The following CAMK1D variants were observed in gnomAD, a reference collection of about 807,000 sequenced individuals.
The protein encoded by CAMK1D is calcium/calmodulin-dependent protein kinase type 1D.
In CAMK1D, 9 loss-of-function variants were observed where a neutral mutation model predicts 47.7. The ratio of observed to expected loss-of-function variants is 0.19; its 90% CI spans 0.11 to 0.33. The LOEUF (loss-of-function observed/expected upper bound fraction) is 0.33, where lower values mean the gene tolerates loss of function less well. CAMK1D is among the 10% of genes least tolerant of loss of function. The probability of loss-of-function intolerance (pLI) is 1.00; values close to 1 mark genes in which losing one functional copy is unlikely to be tolerated. For synonymous variants in CAMK1D, 184 were observed against 184.9 expected (o/e 0.99, Z 0.04); for missense variants, 291 against 488.7 (o/e 0.60, Z 3.81).
chr10:12,748,566 G>T (rs118097528), intron 3 of CAMK1D, among the ~76,000 whole-genome samples: 1 of 152,288 alleles, frequency 6.6e-6, no homozygotes, highest in East Asian at 1.9e-4. Context: ...GTAAGCTTTG[G>T]GTTTTGGGGT....
chr10:12,492,123 T>G (rs913820514), intron 1 of CAMK1D, among the ~76,000 whole-genome samples: 2 of 101,358 alleles, frequency 2.0e-5, no homozygotes, highest in Non-Finnish European at 5.5e-5. Flanking sequence ...AATTTTTTTG[T>G]TTTTTTCACA....
chr10:12,748,599 A>C (rs1188509301), intron 3 of CAMK1D, among the ~76,000 whole-genome samples: 1 of 152,202 alleles, frequency 6.6e-6, no homozygotes, highest in South Asian at 2.1e-4. Context: ...AGAGTAACTC[A>C]TCTGTTGAGA....
intron 3 of CAMK1D, among the ~76,000 whole-genome samples, chr10:12,674,703 G>A (rs962689807): frequency 1.4e-5 from 2 of 145,228 alleles, no homozygotes; most frequent in African/African-American, 2.5e-5. Flanking sequence ...AAGTCAGTTC[G>A]TTTGGAATTT....
chr10:12,528,097 G>A (rs927997106), intron 1 of CAMK1D, among the ~76,000 whole-genome samples: 3 of 152,190 alleles, frequency 2.0e-5, no homozygotes, highest in African/African-American at 7.2e-5. Context: ...AACCCTATTA[G>A]GTGGGTAGTG....
chr10:12,440,384 A>C (rs1483126441), intron 1 of CAMK1D, among the ~76,000 whole-genome samples: 1 of 151,452 alleles, frequency 6.6e-6, no homozygotes, highest in Non-Finnish European at 1.5e-5. Context: ...TTCCGGAGGC[A>C]GGAGGCAATT....
rs118054291 is a variant in CAMK1D at position 12,784,893 on chromosome 10, G to A, written c.566-6265G>A. On this transcript the variant is annotated intron_variant, in intron 5 of 10. Transcript: ENST00000619168. ...CTGACCAATCAGGACATACGGAGAT[G>A]AGAGCTCTGCCCTGCCCCTCCAGCA... Among the ~76,000 whole-genome samples the A allele has an allele frequency of 4.6e-5, 7 of 152,326 alleles. No homozygotes were observed. The East Asian group carries it at 1.4e-3, about 29-fold the overall frequency.
chr10:12,620,141 C>G (rs984372036), intron 2 of CAMK1D, among the ~76,000 whole-genome samples: 3 of 127,718 alleles, frequency 2.3e-5, no homozygotes, highest in Admixed American at 1.0e-4. Context: ...AAATAAAGCT[C>G]TGCAGTCCGC....
At chr10:12,754,490 C>T (rs938717590) in intron 3 of CAMK1D, among the ~76,000 whole-genome samples, 7 of 152,148 alleles carry the variant, frequency 4.6e-5, no homozygotes, top group African/African-American at 1.2e-4. Context: ...CCCAATAAAC[C>T]TGGGAAAAAT....
chr10:12,490,249 T>A (rs1834341932), intron 1 of CAMK1D, among the ~76,000 whole-genome samples: 1 of 150,758 alleles, frequency 6.6e-6, no homozygotes, highest in Non-Finnish European at 1.5e-5. Context: ...GACATTGTTT[T>A]GAGTGGGATA....
chr10:12,684,065 T>C (rs1196735213), intron 3 of CAMK1D, among the ~76,000 whole-genome samples: 1 of 152,120 alleles, frequency 6.6e-6, no homozygotes, highest in Non-Finnish European at 1.5e-5. Flanking sequence ...GTATTTCTTG[T>C]CTTTGAGAGT....
intron 6 of CAMK1D, 142 bp from the exon 7 acceptor site, chr10:12,814,053 T>C (rs1588959401): frequency 7.0e-6 from 4 of 569,224 alleles, no homozygotes; most frequent in Middle Eastern, 2.7e-4. Context: ...CCTCCCAAAT[T>C]GCTGGGATTA....
At chr10:12,544,001 C>T (rs1304679668) in intron 1 of CAMK1D, among the ~76,000 whole-genome samples, 9 of 152,156 alleles carry the variant, frequency 5.9e-5, no homozygotes, top group Admixed American at 6.5e-5. Context: ...GGGATGGTTT[C>T]CTTTAGTCTT....
chr10:12,500,719 C>T (rs1296431915), intron 1 of CAMK1D, among the ~76,000 whole-genome samples: 1 of 152,208 alleles, frequency 6.6e-6, no homozygotes, highest in African/African-American at 2.4e-5. Flanking sequence ...CCAATTTGTC[C>T]TTGAATCAAC....
chr10:12,538,885 CA>C (rs60713871), intron 1 of CAMK1D, among the ~76,000 whole-genome samples: 28,156 of 89,090 alleles, frequency 0.32, 2,928 homozygotes, highest in South Asian at 0.39. Flanking sequence ...AAAACTGAGG[CA>C]AAAAAAAAAA....
intron 1 of CAMK1D, among the ~76,000 whole-genome samples, chr10:12,353,622 T>C (rs1053570937): frequency 3.3e-5 from 5 of 152,136 alleles, no homozygotes; most frequent in African/African-American, 9.7e-5. Context: ...GACTGGGCTT[T>C]GTGGTCTGGC....
chr10:12,714,130 C>G (rs1324270801), intron 3 of CAMK1D, among the ~76,000 whole-genome samples: 1 of 152,192 alleles, frequency 6.6e-6, no homozygotes, highest in Non-Finnish European at 1.5e-5. Flanking sequence ...CCCAGTGGTC[C>G]TGTGGAGGGG....
At chr10:12,534,173 T>G (rs1012960593) in intron 1 of CAMK1D, among the ~76,000 whole-genome samples, 2 of 136,256 alleles carry the variant, frequency 1.5e-5, no homozygotes, top group African/African-American at 5.3e-5. Context: ...TATCTGTCTA[T>G]CTATCTATCT....
chr10:12,360,362 C>T (rs1018091359), intron 1 of CAMK1D, among the ~76,000 whole-genome samples: 3 of 152,146 alleles, frequency 2.0e-5, no homozygotes, highest in African/African-American at 7.2e-5. Flanking sequence ...AAAAGAAAAA[C>T]CCTAGACCTT....
At chr10:12,687,811 T>C (rs1048554051) in intron 3 of CAMK1D, among the ~76,000 whole-genome samples, 5 of 152,218 alleles carry the variant, frequency 3.3e-5, no homozygotes, top group African/African-American at 1.2e-4. Context: ...TTCCTCCCCA[T>C]TGATGAGCTC....
Sources: allele counts gnomAD v4.1 joint callset (sites outside exome capture counted in the v4.1 genomes callset), GRCh38; gene constraint gnomAD v4.1.1; transcripts MANE v1.5; gene names NCBI Gene and HGNC (gene_info 2026-07-23, HGNC 2026-07-21).